The following URI1 variants were observed in gnomAD, a reference collection of about 807,000 sequenced individuals.
URI1 encodes the protein unconventional prefoldin RPB5 interactor 1.
URI1 carries 39 observed loss-of-function variants against 60.2 expected under a neutral mutation model. The observed-to-expected ratio is 0.65, with a 90% CI of 0.50 to 0.85. The LOEUF (loss-of-function observed/expected upper bound fraction) is 0.85, where lower values mean the gene tolerates loss of function less well. Among genes scored for constraint, URI1 ranks in the 40% least tolerant of loss-of-function variants. URI1 has a pLI of 0.00. For synonymous variants in URI1, 251 were observed against 236.8 expected (o/e 1.06, Z -0.55); for missense variants, 691 against 665.9 (o/e 1.04, Z -0.42).
intron 4 of URI1, among the ~76,000 whole-genome samples, chr19:29,997,216 G>C (rs1413940428): frequency 6.6e-6 from 1 of 152,088 alleles, no homozygotes; most frequent in Non-Finnish European, 1.5e-5. Context: ...TTGTTGGGAG[G>C]TTTTTGATTA....
intron 4 of URI1, among the ~76,000 whole-genome samples, chr19:29,994,194 A>G (rs2055782543): frequency 6.6e-6 from 1 of 152,152 alleles, no homozygotes; most frequent in Non-Finnish European, 1.5e-5. Flanking sequence ...CAGACTGACT[A>G]CACCTTTGCC....
chr19:29,932,478 G>A (rs369145723), intron 1 of URI1, among the ~76,000 whole-genome samples: 27 of 151,286 alleles, frequency 1.8e-4, no homozygotes, highest in African/African-American at 2.7e-4. Flanking sequence ...CACCGCACCC[G>A]GCTAATTTTT....
At chr19:29,961,675 G>GTTTT (rs200425572) in intron 1 of URI1, among the ~76,000 whole-genome samples, 1 of 117,636 alleles carries the variant, frequency 8.5e-6, no homozygotes, top group Non-Finnish European at 1.8e-5. Context: ...TTTTTTTTTT[G>GTTTT]TTTTTTTTTT....
chr19:29,987,441 A>T (rs2055685999), intron 4 of URI1, among the ~76,000 whole-genome samples: 1 of 152,214 alleles, frequency 6.6e-6, no homozygotes, highest in Non-Finnish European at 1.5e-5. Flanking sequence ...TTGTGACACT[A>T]ATCAGAATCT....
intron 2 of URI1, among the ~76,000 whole-genome samples, chr19:29,981,303 A>T (rs911600431): frequency 2.0e-5 from 3 of 152,118 alleles, no homozygotes; most frequent in Non-Finnish European, 4.4e-5. Flanking sequence ...TAAGTTGTGG[A>T]CATCTGTGTA....
chr19:29,993,225 A>C (rs2055768327), intron 4 of URI1, among the ~76,000 whole-genome samples: 1 of 152,204 alleles, frequency 6.6e-6, no homozygotes, highest in South Asian at 2.1e-4. Context: ...AGAAGCAGGA[A>C]GAATTTCTGA....
intron 6 of URI1, among the ~76,000 whole-genome samples, chr19:30,006,351 T>G (rs1200301495): frequency 6.6e-6 from 1 of 152,148 alleles, no homozygotes; most frequent in Non-Finnish European, 1.5e-5. Context: ...TACAGTGTCT[T>G]AAACAAATGT....
chr19:30,011,054 T>G (rs763930742), intron 8 of URI1, 40 bp from the exon 9 acceptor site: 10 of 1,585,930 alleles, frequency 6.3e-6, no homozygotes, highest in Middle Eastern at 1.7e-4. Flanking sequence ...TTTGATTTAA[T>G]TTGTCAAAAG....
At position 30,015,479 on chromosome 19, in the gene URI1, T is replaced by G; in HGVS notation, c.*410T>G. On this transcript the variant is annotated 3_prime_UTR_variant, in exon 11 of 11. Transcript: ENST00000392271. ...TAAAATTTCAAATAGATTCAACAAT[T>G]ACATTACTTGCTTTCACATTTTAAA... 2 of 1,523,710 alleles carry G rather than the reference T, an allele frequency of 1.3e-6. No homozygotes were observed. Among genetic ancestry groups the G allele is most frequent in the African/African-American group, 1.4e-5 (1 of 72,062 alleles). The allele number at this position is 1,523,710 out of a possible 1,614,324, so 94.4% of individuals were successfully genotyped here.
upstream of URI1, among the ~76,000 whole-genome samples, chr19:29,941,990 T>G (rs2055029422): frequency 6.6e-6 from 1 of 151,816 alleles, no homozygotes; most frequent in Non-Finnish European, 1.5e-5. Flanking sequence ...TAAGCTTTTT[T>G]TTTTTAAGGT....
chr19:29,956,654 C>G lies in URI1; in HGVS notation c.117+13990C>G, dbSNP rs1013742136. ...TTTTCACCCAAGAAATTTCGGATTT[C>G]AACAAGAGACCCATTCTGGATAACG... On this transcript the variant is annotated intron_variant, in intron 1 of 10. Transcript: ENST00000392271. 1.4e-5 allele frequency: 22 copies of G among 1,531,114 alleles called. No homozygotes were observed. The African/African-American group carries it at 3.0e-4, about 21-fold the overall frequency. 94.8% of individuals were successfully genotyped at this position (1,531,114 alleles called of 1,614,324 possible). A position where few individuals can be genotyped will look rare whatever the true frequency, so the allele number is the denominator to read the frequency against.
intron 2 of URI1, chr19:29,983,308 TTG>T (rs1270844351): frequency 6.6e-6 from 1 of 152,210 alleles, no homozygotes; most frequent in African/African-American, 2.4e-5. Flanking sequence ...TCCTTCTACT[TTG>T]TCTTCTGTAA....
intron 1 of URI1, 57 bp downstream of exon 1, chr19:29,942,721 G>T (rs1410606735): frequency 3.2e-5 from 42 of 1,320,268 alleles, no homozygotes; most frequent in South Asian, 1.4e-4. Context: ...CCCTGCCTGT[G>T]CTCTGGGCCG....
intron 1 of URI1, among the ~76,000 whole-genome samples, chr19:29,962,748 G>C (rs2055342628): frequency 6.6e-6 from 1 of 151,618 alleles, no homozygotes; most frequent in African/African-American, 2.4e-5. Flanking sequence ...TTTTTGATAA[G>C]ACATTTTATT....
In URI1 at chr19:29,971,235, A is replaced by T. The variant is rs1221016529; in HGVS notation, c.152+8A>T. On this transcript the variant is annotated splice_region_variant and intron_variant, in intron 2 of 10. Coordinates refer to ENST00000392271, the MANE Select transcript of URI1 (RefSeq NM_003796.3). ...AGAGAGAATCCAGCATTGGTGAGTG[A>T]AAGATGGTTTTATTACACTTCTGAA... 1 of 1,611,976 alleles carries T rather than the reference A, an allele frequency of 6.2e-7. No individual in the cohort carries two copies. Among genetic ancestry groups the T allele is most frequent in the Non-Finnish European group, 8.5e-7 (1 of 1,179,062 alleles).
chr19:29,987,896 A>G (rs905724495), intron 4 of URI1, among the ~76,000 whole-genome samples: 1 of 152,140 alleles, frequency 6.6e-6, no homozygotes, highest in East Asian at 1.9e-4. Context: ...GGCCGGGCGC[A>G]GGGGCTCATG....
intron 1 of URI1, among the ~76,000 whole-genome samples, chr19:29,931,352 C>A (rs1400102173): frequency 1.3e-5 from 2 of 152,198 alleles, no homozygotes; most frequent in East Asian, 3.8e-4. Flanking sequence ...GCCAGTTTCT[C>A]ATGAAGTTTC....
chr19:29,966,923 A>G (rs2055398024), intron 1 of URI1, among the ~76,000 whole-genome samples: 1 of 152,208 alleles, frequency 6.6e-6, no homozygotes, highest in Admixed American at 6.5e-5. Context: ...TTAGAAGTGA[A>G]GCATTTTTGA....
At chr19:29,971,138 G>A in intron 1 of URI1, 55 bp from the exon 2 acceptor site, 1 of 1,559,970 alleles carries the variant, frequency 6.4e-7, no homozygotes, top group Non-Finnish European at 8.8e-7. Context: ...ACTGATTTTT[G>A]TAGCTCTGTG....
Sources: gnomAD v4.1 joint callset for allele counts (sites outside exome capture counted in the v4.1 genomes callset) on GRCh38, gnomAD v4.1.1 for gene constraint, MANE v1.5 for transcripts, NCBI Gene and HGNC (gene_info 2026-07-23, HGNC 2026-07-21) for gene names.